The following CHD6 variants were observed in gnomAD, a reference collection of about 807,000 sequenced individuals.
CHD6 encodes ATP-dependent chromatin remodeler CHD6.
A neutral mutation model predicts 276.9 loss-of-function variants in CHD6; 50 were observed. The ratio of observed to expected loss-of-function variants is 0.18; its 90% CI spans 0.14 to 0.23. The LOEUF (loss-of-function observed/expected upper bound fraction) is 0.23, where lower values mean the gene tolerates loss of function less well. Among genes scored for constraint, CHD6 ranks in the 10% least tolerant of loss-of-function variants. CHD6 has a pLI of 1.00. For synonymous variants in CHD6, 1,173 were observed against 1,229.3 expected (o/e 0.95, Z 0.96); for missense variants, 2,564 against 3,365.8 (o/e 0.76, Z 5.89).
At chr20:41,583,603 G>A (rs1215146038) in intron 1 of CHD6, among the ~76,000 whole-genome samples, 2 of 152,026 alleles carry the variant, frequency 1.3e-5, no homozygotes, top group African/African-American at 4.8e-5. Flanking sequence ...CTCCAGAAAT[G>A]GCAAAAACAG....
intron 1 of CHD6, among the ~76,000 whole-genome samples, chr20:41,554,136 C>T (rs1386697654): frequency 1.3e-5 from 2 of 152,070 alleles, no homozygotes; most frequent in South Asian, 2.1e-4. Flanking sequence ...CAGAGTGAGG[C>T]CCTGTCTCAA....
intron 36 of CHD6, among the ~76,000 whole-genome samples, chr20:41,411,033 G>A (rs1010840135): frequency 3.3e-5 from 5 of 152,164 alleles, no homozygotes; most frequent in Admixed American, 3.3e-4. Context: ...AGTGAGGGAA[G>A]AGTCCTAAGA....
At position 41,473,602 on chromosome 20, in the gene CHD6, G is replaced by C; in HGVS notation, c.2469-85C>G. 8.9e-7 allele frequency: 1 copy of C among 1,129,426 alleles called. No homozygotes were observed. Among genetic ancestry groups the C allele is most frequent in the South Asian group, 1.4e-5 (1 of 70,764 alleles). The allele number at this position is 1,129,426 out of a possible 1,614,324, so 70.0% of individuals were successfully genotyped here. A position where few individuals can be genotyped will look rare whatever the true frequency, so the allele number is the denominator to read the frequency against. On this transcript the variant is annotated intron_variant, in intron 16 of 36. Coordinates refer to ENST00000373233, the MANE Select transcript of CHD6 (RefSeq NM_032221.5). The surrounding 1 kb of genome is among the most constrained non-coding windows in gnomAD (Gnocchi z 4.1). The stretch of plus-strand genomic sequence containing the variant: ...CACAAAATGCAGGAAGCTGTCGACT[G>C]ATGGCCTTAAATCCCTCACTTCTAA...
rs1377184614 is a variant in CHD6 at position 41,447,938 on chromosome 20, T to C, written c.3717A>G (p.Leu1239=). 3 of 1,612,148 alleles carry C rather than the reference T, an allele frequency of 1.9e-6. No individual in the cohort carries two copies. The highest frequency in any genetic ancestry group is 2.5e-6 in the Non-Finnish European group (3 of 1,179,096). ...VLLRVRMLYY[L]KAEILGEAAE... ...CTGCTTCTCCCAGTATTTCAGCTTT[T>C]AGGTAGTACAGCATCCGGACTCGCA... Residue 1239 remains leucine, a synonymous_variant, in exon 24 of 37, where the codon CTA becomes CTG. Transcript: ENST00000373233.
chr20:41,582,186 C>G (rs2045547892), intron 1 of CHD6, among the ~76,000 whole-genome samples: 1 of 151,868 alleles, frequency 6.6e-6, no homozygotes, highest in African/African-American at 2.4e-5. Context: ...TCTACATATC[C>G]AAATACTAAC....
chr20:41,421,829 G>A lies in CHD6; in HGVS notation c.4806C>T (p.Asn1602=), dbSNP rs200501229. ...GLNRTDCYIM[N]DPQLSFLDAY... is the part of the protein sequence containing the mutation. ...CATCCAGGAAGGACAGCTGGGGGTC[G>A]TTCATGATGTAACAGTCAGTGCGGT... Residue 1602 remains asparagine, a synonymous_variant, in exon 31 of 37, where the codon AAC becomes AAT. Coordinates refer to ENST00000373233, the MANE Select transcript of CHD6 (RefSeq NM_032221.5). 3.9e-4 allele frequency: 625 copies of A among 1,614,144 alleles called. No homozygotes were observed. Among genetic ancestry groups the A allele is most frequent in the Non-Finnish European group, 5.9e-5 (70 of 1,180,026 alleles).
chr20:41,532,201 G>A (rs983201882), intron 3 of CHD6, among the ~76,000 whole-genome samples: 3 of 152,196 alleles, frequency 2.0e-5, no homozygotes, highest in Admixed American at 6.5e-5. Context: ...TATGCACTCT[G>A]GTCTCTCTGT....
intron 1 of CHD6, among the ~76,000 whole-genome samples, chr20:41,603,190 T>C (rs960640091): frequency 2.6e-4 from 39 of 150,922 alleles, no homozygotes; most frequent in African/African-American, 9.0e-4. Flanking sequence ...CTGTCTCTAC[T>C]AAAAATACAA....
intron 17 of CHD6, among the ~76,000 whole-genome samples, chr20:41,459,885 G>A (rs1296864209): frequency 6.6e-6 from 1 of 152,252 alleles, no homozygotes; most frequent in Non-Finnish European, 1.5e-5. Context: ...AATAGGCAGA[G>A]GTTGGAACAG....
intron 4 of CHD6, among the ~76,000 whole-genome samples, chr20:41,514,312 G>T (rs965424099): frequency 6.6e-6 from 1 of 152,134 alleles, no homozygotes; most frequent in African/African-American, 2.4e-5. Context: ...CACTGTCACG[G>T]GCACATTTTG....
intron 1 of CHD6, among the ~76,000 whole-genome samples, chr20:41,553,483 A>G (rs2045176126): frequency 6.6e-6 from 1 of 152,212 alleles, no homozygotes; most frequent in South Asian, 2.1e-4. Flanking sequence ...TAAACCTTTC[A>G]TAAGCAACTT....
intron 1 of CHD6, among the ~76,000 whole-genome samples, chr20:41,580,645 C>CAAA (rs373733112): frequency 0.032 from 2,201 of 69,178 alleles, 62 homozygotes; most frequent in South Asian, 0.051. Flanking sequence ...AACCCAGTCT[C>CAAA]AAAAAAAAAA....
chr20:41,528,932 T>C (rs537908466), intron 3 of CHD6, among the ~76,000 whole-genome samples: 1 of 152,302 alleles, frequency 6.6e-6, no homozygotes, highest in Non-Finnish European at 1.5e-5. Context: ...CCATGGAGTA[T>C]GCAAACTGAA....
At chr20:41,437,039 G>A (rs2047731354) in intron 27 of CHD6, among the ~76,000 whole-genome samples, 1 of 152,152 alleles carries the variant, frequency 6.6e-6, no homozygotes, top group African/African-American at 2.4e-5. Context: ...TGCGATTTCT[G>A]TATTATATTT....
intron 1 of CHD6, among the ~76,000 whole-genome samples, chr20:41,594,008 A>T (rs1322397472): frequency 6.6e-6 from 1 of 151,972 alleles, no homozygotes; most frequent in South Asian, 2.1e-4. Flanking sequence ...AAAAAAAAAA[A>T]TCCCATGATC....
At chr20:41,439,975 AG>A in intron 26 of CHD6, 24 bp downstream of exon 26, 1 of 1,612,090 alleles carries the variant, frequency 6.2e-7, no homozygotes, top group Non-Finnish European at 8.5e-7. Flanking sequence ...ATGTCACATG[AG>A]GGCTGGCCTA....
chr20:41,591,215 G>A, intron 1 of CHD6, among the ~76,000 whole-genome samples: 1 of 111,360 alleles, frequency 9.0e-6, no homozygotes, highest in African/African-American at 3.4e-5. Flanking sequence ...CTGTTGTGGG[G>A]TGGGGGGAGG....
chr20:41,551,582 T>C (rs759669571), intron 1 of CHD6, among the ~76,000 whole-genome samples: 3 of 152,188 alleles, frequency 2.0e-5, no homozygotes, highest in Non-Finnish European at 2.9e-5. Flanking sequence ...CAAAAAGATA[T>C]TGTCTTTGTA....
intron 2 of CHD6, among the ~76,000 whole-genome samples, chr20:41,537,672 A>G (rs1166671623): frequency 1.3e-5 from 2 of 152,356 alleles, no homozygotes; most frequent in East Asian, 3.9e-4. Context: ...ATTCAAGGCC[A>G]CAACGAGATA....
Sources: gnomAD v4.1 joint callset for allele counts (sites outside exome capture counted in the v4.1 genomes callset) on GRCh38, gnomAD v4.1.1 for gene constraint, Gnocchi (gnomAD v3.1) non-coding constraint, MANE v1.5 for transcripts, NCBI Gene and HGNC (gene_info 2026-07-23, HGNC 2026-07-21) for gene names.